The following ARB2A variants were observed in gnomAD, a reference collection of about 807,000 sequenced individuals.
ARB2A encodes cotranscriptional regulator ARB2A.
At chr5:94,058,717 C>CA in the ARB2A span, among the ~76,000 whole-genome samples, 1 of 152,114 alleles carries the variant, frequency 6.6e-6, no homozygotes, top group Non-Finnish European at 1.5e-5. Flanking sequence ...GTGACAATGT[C>CA]AAGTTGTCTA....
At chr5:93,760,399 A>C in the ARB2A span, among the ~76,000 whole-genome samples, 3 of 152,206 alleles carry the variant, frequency 2.0e-5, no homozygotes, top group African/African-American at 7.2e-5. Flanking sequence ...TAGAAAAAAC[A>C]ATTCTAAAAT....
the ARB2A span, among the ~76,000 whole-genome samples, chr5:93,830,888 T>G: frequency 6.6e-6 from 1 of 152,224 alleles, no homozygotes; most frequent in Non-Finnish European, 1.5e-5. Context: ...TTAGAATCAG[T>G]GGGAGCTCTG....
At chr5:93,732,510 A>T in the ARB2A span, among the ~76,000 whole-genome samples, 1 of 152,120 alleles carries the variant, frequency 6.6e-6, no homozygotes, top group Non-Finnish European at 1.5e-5. Context: ...CATGTTGTGC[A>T]GAAAAACAGA....
the ARB2A span, among the ~76,000 whole-genome samples, chr5:93,960,601 G>A: frequency 0.084 from 12,757 of 152,086 alleles, 748 homozygotes; most frequent in Middle Eastern, 0.16. Flanking sequence ...ATAAACTTTT[G>A]GAATGAGGAA....
At chr5:93,985,421 G>A in the ARB2A span, among the ~76,000 whole-genome samples, 2 of 145,824 alleles carry the variant, frequency 1.4e-5, no homozygotes, top group Admixed American at 6.8e-5. Flanking sequence ...TCTTTCCACG[G>A]TCTCCCCCTC....
the ARB2A span, among the ~76,000 whole-genome samples, chr5:94,029,935 G>C: frequency 6.6e-6 from 1 of 152,162 alleles, no homozygotes; most frequent in Non-Finnish European, 1.5e-5. Context: ...CATGGCGGGG[G>C]AGGCCTCACA....
At chr5:94,065,310 T>C in the ARB2A span, among the ~76,000 whole-genome samples, 1 of 152,186 alleles carries the variant, frequency 6.6e-6, no homozygotes, top group African/African-American at 2.4e-5. Context: ...GCTCAGGAGT[T>C]TGTGACTAGC....
chr5:93,971,812 C>A, the ARB2A span, among the ~76,000 whole-genome samples: 1 of 151,950 alleles, frequency 6.6e-6, no homozygotes, highest in Non-Finnish European at 1.5e-5. Context: ...GGGGATAGTG[C>A]CCCACCAGGT....
At chr5:93,627,077 T>C in the ARB2A span, among the ~76,000 whole-genome samples, 3 of 152,232 alleles carry the variant, frequency 2.0e-5, no homozygotes. Flanking sequence ...AGAAACCACA[T>C]TCTTTGCTCA....
chr5:94,076,079 A>AT, the ARB2A span, among the ~76,000 whole-genome samples: 3 of 152,170 alleles, frequency 2.0e-5, no homozygotes, highest in Admixed American at 1.3e-4. Context: ...ATGTTAGCTT[A>AT]TTTTTTTTAA....
the ARB2A span, among the ~76,000 whole-genome samples, chr5:93,682,255 A>C: frequency 1.7e-3 from 252 of 151,962 alleles, 2 homozygotes; most frequent in Non-Finnish European, 2.5e-3. Context: ...AAAAAAAAAA[A>C]AAAAACATTT....
At chr5:93,711,772 CAGCTTCGCTGCTAGAAGGGGCTGA>C in the ARB2A span, among the ~76,000 whole-genome samples, 1 of 152,258 alleles carries the variant, frequency 6.6e-6, no homozygotes, top group South Asian at 2.1e-4. Flanking sequence ...TGAAAACCTG[CAGCTTCGCTGCTAGAAGGGGCTGA>C]CTTGATTTAC....
chr5:93,922,604 G>C, the ARB2A span, among the ~76,000 whole-genome samples: 1 of 114,620 alleles, frequency 8.7e-6, no homozygotes, highest in East Asian at 3.1e-4. Context: ...GAGGGGAGGG[G>C]AAGGGAGGGG....
chr5:93,985,879 C>T, the ARB2A span, among the ~76,000 whole-genome samples: 18 of 152,172 alleles, frequency 1.2e-4, no homozygotes, highest in Admixed American at 9.8e-4. Context: ...TCTGCCTGGC[C>T]GCCCATCATC....
the ARB2A span, among the ~76,000 whole-genome samples, chr5:93,845,040 C>A: frequency 6.6e-6 from 1 of 152,182 alleles, no homozygotes; most frequent in Non-Finnish European, 1.5e-5. Flanking sequence ...CTCCCTCTAG[C>A]CATATTTCTG....
At chr5:93,989,516 C>T in the ARB2A span, among the ~76,000 whole-genome samples, 1 of 152,104 alleles carries the variant, frequency 6.6e-6, no homozygotes, top group Admixed American at 6.5e-5. Context: ...TCATCCCAAT[C>T]CCCTGTTTAA....
At chr5:93,979,986 G>A in the ARB2A span, among the ~76,000 whole-genome samples, 1 of 152,036 alleles carries the variant, frequency 6.6e-6, no homozygotes, top group East Asian at 1.9e-4. Context: ...CCTCCTTCAT[G>A]TTATTTTTAA....
the ARB2A span, chr5:93,736,122 G>T: frequency 6.6e-6 from 1 of 152,090 alleles, no homozygotes; most frequent in Non-Finnish European, 1.5e-5. Context: ...CTGGACCATG[G>T]GAAGCTGTGC....
chr5:93,895,768 T>C, the ARB2A span, among the ~76,000 whole-genome samples: 1 of 152,078 alleles, frequency 6.6e-6, no homozygotes, highest in African/African-American at 2.4e-5. Flanking sequence ...TCTCTCTCTA[T>C]GAAATATGGA....
Sources: allele counts gnomAD v4.1 joint callset (sites outside exome capture counted in the v4.1 genomes callset), GRCh38; gene constraint gnomAD v4.1.1; transcripts MANE v1.5; gene names NCBI Gene and HGNC (gene_info 2026-07-23, HGNC 2026-07-21).